GALNT9: variants seen among roughly 807,000 people sequenced by gnomAD.
GALNT9 encodes the protein polypeptide N-acetylgalactosaminyltransferase 9.
A neutral mutation model predicts 63.1 loss-of-function variants in GALNT9; 47 were observed. The ratio of observed to expected loss-of-function variants is 0.75; its 90% CI spans 0.59 to 0.95. The LOEUF (loss-of-function observed/expected upper bound fraction) is 0.95. Ranked by LOEUF, GALNT9 falls within the 40% of genes least tolerant of loss-of-function variation. The pLI is 0.00. For missense variants in GALNT9, 829 were observed against 874.8 expected, an observed-to-expected ratio of 0.95 and a Z score of 0.66; for synonymous variants, 396 against 365.7, an observed-to-expected ratio of 1.08 and a Z score of -0.94.
Position 132,198,135 on chromosome 12 carries a change from G to A in GALNT9, c.1498-176C>T, listed in dbSNP as rs555908859. 3.9e-5 allele frequency among the ~76,000 whole-genome samples: 6 copies of A among 152,360 alleles called. No homozygotes were observed. The East Asian group carries it at 9.6e-4, about 24-fold the overall frequency. On this transcript the variant is annotated intron_variant, in intron 9 of 10. Coordinates refer to ENST00000328957, the MANE Select transcript of GALNT9 (RefSeq NM_001122636.2). Reference sequence around the variant, plus strand: ...GAGAGGACCGCCGGGCAGGGCCCACGTGGGGATGCGGGCTGGACGGCGCCC... The same window carrying A: ...GAGAGGACCGCCGGGCAGGGCCCACATGGGGATGCGGGCTGGACGGCGCCC...
chr12:132,322,170 G>GC (rs1475432275), intron 1 of GALNT9, among the ~76,000 whole-genome samples: 1 of 152,178 alleles, frequency 6.6e-6, no homozygotes, highest in Non-Finnish European at 1.5e-5. Context: ...TTCCGGGCGG[G>GC]CCCCGTTCAA....
chr12:132,294,873 G>A (rs1211262394), intron 1 of GALNT9, among the ~76,000 whole-genome samples: 1 of 152,242 alleles, frequency 6.6e-6, no homozygotes, highest in Non-Finnish European at 1.5e-5. Flanking sequence ...CAGGATTTCT[G>A]GAGCTCTCAT....
chr12:132,308,714 G>A (rs1406577584), intron 1 of GALNT9, among the ~76,000 whole-genome samples: 2 of 152,192 alleles, frequency 1.3e-5, no homozygotes, highest in Admixed American at 6.5e-5. Flanking sequence ...CACGATGTCA[G>A]CACCATGCTG....
intron 5 of GALNT9, among the ~76,000 whole-genome samples, chr12:132,251,823 AT>A (rs1878927603): frequency 6.6e-6 from 1 of 152,172 alleles, no homozygotes; most frequent in Admixed American, 6.5e-5. Context: ...CTGGTGGCAC[AT>A]CAGCAGCCTC....
intron 1 of GALNT9, among the ~76,000 whole-genome samples, chr12:132,312,750 C>T (rs1881859740): frequency 6.6e-6 from 1 of 152,176 alleles, no homozygotes; most frequent in Non-Finnish European, 1.5e-5. Context: ...CCTGGCTTTC[C>T]CTCAGCCGCT....
At chr12:132,208,597 G>C (rs988457958) in intron 6 of GALNT9, among the ~76,000 whole-genome samples, 1 of 152,210 alleles carries the variant, frequency 6.6e-6, no homozygotes, top group African/African-American at 2.4e-5. Context: ...ACCATGTGGA[G>C]CAGAGAGAAG....
intron 1 of GALNT9, among the ~76,000 whole-genome samples, chr12:132,309,411 C>T (rs528880243): frequency 6.6e-6 from 1 of 152,256 alleles, no homozygotes; most frequent in East Asian, 1.9e-4. Context: ...TGAATGAGGG[C>T]CCCAAAAGCT....
Position 132,262,591 on chromosome 12 carries a change from G to A in GALNT9, c.454C>T (p.Gln152Ter). Reference sequence around the variant, plus strand: ...ACGAAGATGAAGACCACGGAGACCTGGGGCAGGTCCTGGGCGTAGCTCATC... The same window carrying A: ...ACGAAGATGAAGACCACGGAGACCTAGGGCAGGTCCTGGGCGTAGCTCATC... ...RQMSYAQDLP[Q>*]VSVVFIFVNE... The change falls in exon 3 of 11, where the codon CAG becomes TAG. Residue 152 changes from glutamine to a stop codon, truncating the protein, a stop_gained. Coordinates refer to ENST00000328957, the MANE Select transcript of GALNT9 (RefSeq NM_001122636.2). LOFTEE classifies it high-confidence loss of function. 1 of 1,551,344 alleles carries A rather than the reference G, an allele frequency of 6.4e-7. No homozygotes were observed. Among genetic ancestry groups the A allele is most frequent in the South Asian group, 1.2e-5 (1 of 84,044 alleles).
At chr12:132,202,053 G>A in intron 7 of GALNT9, among the ~76,000 whole-genome samples, 1 of 152,224 alleles carries the variant, frequency 6.6e-6, no homozygotes. Context: ...TCACCTTCTG[G>A]TATGTGGGCC....
chr12:132,306,803 G>C (rs1555244687), intron 1 of GALNT9, among the ~76,000 whole-genome samples: 3 of 152,192 alleles, frequency 2.0e-5, no homozygotes, highest in Admixed American at 1.3e-4. Flanking sequence ...TGGAAAAGAT[G>C]GCTCACTTCC....
chr12:132,279,769 G>T lies in GALNT9; in HGVS notation c.419+6481C>A, dbSNP rs1880260007. ...GGTCACTTCCTGGATCCAATTCCTG[G>T]ATGCCCAGTGTCCGCCGGGTCTCCT... On this transcript the variant is annotated intron_variant, in intron 2 of 10. Transcript: ENST00000328957. The surrounding 1 kb of genome is among the most constrained non-coding windows in gnomAD (Gnocchi z 4.1). The T allele has an allele frequency of 6.6e-6, 1 of 152,278 alleles. No individual in the cohort carries two copies. The highest frequency in any genetic ancestry group is 1.5e-5 in the Non-Finnish European group (1 of 68,086). 9.4% of individuals were successfully genotyped at this position (152,278 alleles called of 1,614,324 possible).
Position 132,296,318 on chromosome 12 carries a change from G to A in GALNT9, c.239-9888C>T, listed in dbSNP as rs1293199505. ...AGCCGTCCAGCCCACTCAGACCAGC[G>A]GACACAGGTCTGTCTGGGATCCAAG... On this transcript the variant is annotated intron_variant, in intron 1 of 10. Coordinates refer to ENST00000328957, the MANE Select transcript of GALNT9 (RefSeq NM_001122636.2). The surrounding 1 kb of genome is among the most constrained non-coding windows in gnomAD (Gnocchi z 4.2). Among the ~76,000 whole-genome samples the A allele has an allele frequency of 2.0e-5, 3 of 152,236 alleles. No homozygotes were observed. The highest frequency in any genetic ancestry group is 4.8e-5 in the African/African-American group (2 of 41,454).
At position 132,316,763 on chromosome 12, in the gene GALNT9, C is replaced by T. The variant is rs536475006; in HGVS notation, c.238+12203G>A. Among the ~76,000 whole-genome samples the T allele has an allele frequency of 4.4e-4, 67 of 152,176 alleles. No homozygotes were observed. Among genetic ancestry groups the T allele is most frequent in the Non-Finnish European group, 8.2e-4 (56 of 67,988 alleles). On this transcript the variant is annotated intron_variant, in intron 1 of 10. Transcript: ENST00000328957. This position sits in a 1 kb window ranked among gnomAD's most constrained non-coding sequence, Gnocchi z 4.3. ...GCCTCCTTCCCATCACGAGCACTGG[C>T]GCTCACATGGGGTACTCGGACCCAT... is the stretch of plus-strand genomic sequence containing the variant.
chr12:132,309,738 G>A (rs371343329), intron 1 of GALNT9, among the ~76,000 whole-genome samples: 24 of 152,328 alleles, frequency 1.6e-4, no homozygotes, highest in East Asian at 3.9e-4. Flanking sequence ...CAGAGAGAGC[G>A]TAAGTCTCCA....
chr12:132,219,155 C>T (rs1422545384), intron 6 of GALNT9, among the ~76,000 whole-genome samples: 2 of 152,154 alleles, frequency 1.3e-5, no homozygotes, highest in Admixed American at 6.5e-5. Flanking sequence ...ATCGGCAGAA[C>T]GACACCTGGT....
At chr12:132,299,457 C>T (rs1881210112) in intron 1 of GALNT9, among the ~76,000 whole-genome samples, 2 of 141,934 alleles carry the variant, frequency 1.4e-5, no homozygotes, top group South Asian at 5.0e-4. Context: ...CCCACCACAC[C>T]TAACCCACCC....
At chr12:132,267,790 C>T (rs797031260) in intron 2 of GALNT9, among the ~76,000 whole-genome samples, 30 of 100,362 alleles carry the variant, frequency 3.0e-4, no homozygotes, top group South Asian at 1.2e-3. Context: ...CGCACACACA[C>T]GCACTCACAC....
chr12:132,229,774 C>T (rs1249700851), intron 6 of GALNT9, among the ~76,000 whole-genome samples: 7 of 152,218 alleles, frequency 4.6e-5, no homozygotes, highest in Admixed American at 3.9e-4. Flanking sequence ...GTGCCAGTTA[C>T]GGGGTTCAGG....
At chr12:132,309,372 G>A (rs1246873603) in intron 1 of GALNT9, among the ~76,000 whole-genome samples, 1 of 152,222 alleles carries the variant, frequency 6.6e-6, no homozygotes, top group Non-Finnish European at 1.5e-5. Context: ...TCGTGCCCCA[G>A]TTTAGATGAA....
Sources: allele counts gnomAD v4.1 joint callset (sites outside exome capture counted in the v4.1 genomes callset), GRCh38; gene constraint gnomAD v4.1.1; non-coding constraint Gnocchi (gnomAD v3.1); transcripts MANE v1.5; gene names NCBI Gene and HGNC (gene_info 2026-07-23, HGNC 2026-07-21).